The following GRK5 variants were observed in gnomAD, a reference collection of about 807,000 sequenced individuals.
GRK5 encodes the protein g protein-coupled receptor kinase GRK5.
GRK5 carries 40 observed loss-of-function variants against 78.4 expected under a neutral mutation model. The observed-to-expected ratio is 0.51, with a 90% confidence interval of 0.40 to 0.66. GRK5 has a LOEUF of 0.66. Ranked by LOEUF, GRK5 falls within the 30% of genes least tolerant of loss-of-function variation. GRK5 has a pLI of 0.00. For missense variants in GRK5, 598 were observed against 759.9 expected (o/e 0.79, Z 2.50); for synonymous variants, 289 against 296.8 (o/e 0.97, Z 0.27).
At chr10:119,432,617 T>C (rs1477744742) in intron 8 of GRK5, among the ~76,000 whole-genome samples, 1 of 152,264 alleles carries the variant, frequency 6.6e-6, no homozygotes, top group Non-Finnish European at 1.5e-5. Context: ...GATCTTCCTG[T>C]ACCTCTTATG....
chr10:119,299,942 C>T (rs1416349322), intron 1 of GRK5, among the ~76,000 whole-genome samples: 1 of 152,046 alleles, frequency 6.6e-6, no homozygotes, highest in Non-Finnish European at 1.5e-5. Context: ...AGGTATATCT[C>T]CTAATGCTAG....
intron 1 of GRK5, among the ~76,000 whole-genome samples, chr10:119,274,949 G>T (rs1242935049): frequency 6.6e-6 from 1 of 152,188 alleles, no homozygotes; most frequent in Non-Finnish European, 1.5e-5. Flanking sequence ...CAGCAATTTT[G>T]CAAAGCAGTA....
chr10:119,214,060 T>C (rs925828015), intron 1 of GRK5, among the ~76,000 whole-genome samples: 3 of 152,312 alleles, frequency 2.0e-5, no homozygotes, highest in Admixed American at 2.0e-4. Context: ...CTGCAACCTC[T>C]GCCTCCCAGG....
intron 9 of GRK5, 41 bp downstream of exon 9, chr10:119,436,882 G>A (rs573205678): frequency 2.6e-6 from 4 of 1,543,836 alleles, no homozygotes; most frequent in South Asian, 1.2e-5. Context: ...CTAAGTCCGA[G>A]GGGGTGGGGC....
intron 2 of GRK5, among the ~76,000 whole-genome samples, chr10:119,370,533 G>C (rs1851530091): frequency 6.6e-6 from 1 of 152,178 alleles, no homozygotes; most frequent in Non-Finnish European, 1.5e-5. Flanking sequence ...AGGCCACTCA[G>C]CTGTTGCTAA....
chr10:119,369,498 G>A (rs1259233492), intron 2 of GRK5, among the ~76,000 whole-genome samples: 1 of 152,166 alleles, frequency 6.6e-6, no homozygotes. Flanking sequence ...GAGCTGTCTG[G>A]CAGTCACAGT....
rs192801765 is a variant in GRK5 at position 119,236,421 on chromosome 10, A to G, written c.52+28452A>G. Among the ~76,000 whole-genome samples the G allele has an allele frequency of 1.2e-3, 176 of 152,098 alleles. 2 individuals carry two copies. Among genetic ancestry groups the G allele is most frequent in the Non-Finnish European group, 2.1e-3 (141 of 67,984 alleles). On this transcript the variant is annotated intron_variant, in intron 1 of 15. Coordinates refer to ENST00000392870, the MANE Select transcript of GRK5 (RefSeq NM_005308.3). ...AGTAGAGATGGGGTTTCACTGTGTT[A>G]GCCAGGATGGTCTCGATCTCCCGAT...
chr10:119,376,574 T>G (rs1851624351), intron 2 of GRK5, among the ~76,000 whole-genome samples: 2 of 150,388 alleles, frequency 1.3e-5, no homozygotes, highest in Admixed American at 1.3e-4. Context: ...TTTTTTTTTT[T>G]TTTTTTTGAG....
intron 2 of GRK5, chr10:119,333,661 A>G (rs1850823201): frequency 2.3e-6 from 1 of 443,456 alleles, no homozygotes. Flanking sequence ...TAGGTGCTCA[A>G]AGGGGTGGAC....
intron 2 of GRK5, among the ~76,000 whole-genome samples, chr10:119,342,603 G>A (rs1028473588): frequency 5.3e-5 from 8 of 152,148 alleles, no homozygotes; most frequent in African/African-American, 9.7e-5. Context: ...CGTCCCGTGC[G>A]GTGCAGAGCT....
intron 2 of GRK5, among the ~76,000 whole-genome samples, chr10:119,359,820 G>A (rs1851328458): frequency 6.6e-6 from 1 of 152,152 alleles, no homozygotes; most frequent in Admixed American, 6.5e-5. Flanking sequence ...TGACAGTGAT[G>A]TTCCCGGGGG....
intron 1 of GRK5, among the ~76,000 whole-genome samples, chr10:119,281,287 T>G (rs1849758471): frequency 6.6e-6 from 1 of 151,924 alleles, no homozygotes; most frequent in South Asian, 2.1e-4. Flanking sequence ...CACTGCCTCC[T>G]TGGGAAAAAA....
intron 2 of GRK5, among the ~76,000 whole-genome samples, chr10:119,345,259 C>T (rs1307749768): frequency 2.6e-5 from 4 of 152,196 alleles, no homozygotes; most frequent in South Asian, 2.1e-4. Flanking sequence ...TGAGCCACCG[C>T]GCCCGGCCAC....
chr10:119,250,439 G>T (rs1849180991), intron 1 of GRK5, among the ~76,000 whole-genome samples: 1 of 151,826 alleles, frequency 6.6e-6, no homozygotes, highest in South Asian at 2.1e-4. Context: ...TGTCACCCAG[G>T]CTGGAGTGCA....
intron 4 of GRK5, among the ~76,000 whole-genome samples, chr10:119,410,124 T>C (rs1323213231): frequency 6.6e-6 from 1 of 152,276 alleles, no homozygotes; most frequent in Non-Finnish European, 1.5e-5. Flanking sequence ...CCAGGGATTA[T>C]CAAATTGACA....
rs377558566 is a variant in GRK5, at chr10:119,419,752, C to T, written c.340-3414C>T. On this transcript the variant is annotated intron_variant, in intron 4 of 15. Transcript: ENST00000392870. Reference sequence around the variant, plus strand: ...AGGGAGTTCAGTTGGCTGTCCCTGCCTGCAGGTAGGAGGGTCAAATTCTGC... The same window carrying T: ...AGGGAGTTCAGTTGGCTGTCCCTGCTTGCAGGTAGGAGGGTCAAATTCTGC... Among the ~76,000 whole-genome samples, 11 of 152,362 alleles carry T rather than the reference C, an allele frequency of 7.2e-5. No individual in the cohort carries two copies. In the South Asian group the frequency reaches 1.0e-3, roughly 14 times the overall value.
At position 119,225,674 on chromosome 10, in the gene GRK5, T is replaced by C. The variant is rs905977141; in HGVS notation, c.52+17705T>C. Among the ~76,000 whole-genome samples, 260 of 143,614 alleles carry C rather than the reference T, an allele frequency of 1.8e-3. 2 individuals are homozygous for C. The highest frequency in any genetic ancestry group is 3.3e-3 in the Admixed American group (47 of 14,204). 94.2% of individuals were successfully genotyped at this position (143,614 alleles called of 152,430 possible). ...CTGATTTTCTTCTCTCTCTCTCTTT[T>C]TTTTTTTTTTTTTTGAGATAGAGTC... On this transcript the variant is annotated intron_variant, in intron 1 of 15. Transcript: ENST00000392870.
chr10:119,285,450 G>A (rs561000169), intron 1 of GRK5, among the ~76,000 whole-genome samples: 1 of 152,298 alleles, frequency 6.6e-6, no homozygotes, highest in African/African-American at 2.4e-5. Flanking sequence ...GACAGTTTCT[G>A]AAAAAGCAAA....
chr10:119,315,883 C>G (rs905339239), intron 1 of GRK5, among the ~76,000 whole-genome samples: 3 of 152,290 alleles, frequency 2.0e-5, no homozygotes, highest in South Asian at 2.1e-4. Flanking sequence ...CTTCCTCCCC[C>G]TCCAAATTCA....
Sources: allele counts gnomAD v4.1 joint callset (sites outside exome capture counted in the v4.1 genomes callset), GRCh38; gene constraint gnomAD v4.1.1; transcripts MANE v1.5; gene names NCBI Gene and HGNC (gene_info 2026-07-23, HGNC 2026-07-21).